Variants in LRP6 observed in about 807,000 individuals in gnomAD.
LRP6 encodes LDL receptor related protein 6.
Under a neutral mutation model 184.1 loss-of-function variants are expected in LRP6, and 43 were observed. That is an observed-to-expected ratio of 0.23 (90% CI 0.18 to 0.30). The LOEUF is 0.30. Among genes scored for constraint, LRP6 ranks in the 10% least tolerant of loss-of-function variants. LRP6 has a pLI of 1.00. For missense variants in LRP6, 1,571 were observed against 2,005.3 expected (o/e 0.78, Z 4.14); for synonymous variants, 719 against 684.9 (o/e 1.05, Z -0.78).
chr12:12,235,320 G>A (rs112372434), intron 2 of LRP6, among the ~76,000 whole-genome samples: 2 of 152,270 alleles, frequency 1.3e-5, no homozygotes, highest in African/African-American at 4.8e-5. Flanking sequence ...TGGAATTGGC[G>A]ATAACATGAA....
chr12:12,214,113 T>G (rs901510519), intron 2 of LRP6, among the ~76,000 whole-genome samples: 4 of 152,102 alleles, frequency 2.6e-5, no homozygotes, highest in Non-Finnish European at 5.9e-5. Context: ...AATACCTATT[T>G]TATAACAGTA....
At chr12:12,147,697 C>CACAG (rs2136911510) in intron 14 of LRP6, 141 bp from the exon 15 acceptor site, 1 of 711,260 alleles carries the variant, frequency 1.4e-6, no homozygotes, top group East Asian at 2.7e-5. Flanking sequence ...TTTGACCAGG[C>CACAG]ACAGTGGCTC....
At chr12:12,242,541 C>T (rs1000834507) in intron 2 of LRP6, among the ~76,000 whole-genome samples, 4 of 152,190 alleles carry the variant, frequency 2.6e-5, no homozygotes, top group Admixed American at 2.6e-4. Context: ...AACATTTCAA[C>T]ACCCTCTGAG....
rs1950047248 is a variant in LRP6, at chr12:12,149,108, T to C, written c.3040A>G (p.Ile1014Val). Residue 1014 changes from isoleucine (I) to valine (V), a missense_variant, in exon 14 of 23, where the codon ATA becomes GTA. By Grantham distance (29) the Ile-to-Val change is conservative. Coordinates refer to ENST00000261349, the MANE Select transcript of LRP6 (RefSeq NM_002336.3). ...TCAATGCTGAGGTCATAGGGTTGTA[T>C]TTCCAGGTTCTGACTCGGAACTGAG... ...VSSVPSQNLE[I>V]QPYDLSIDIY... 6.2e-7 allele frequency: 1 copy of C among 1,614,064 alleles called. No homozygotes were observed. Among genetic ancestry groups the C allele is most frequent in the Non-Finnish European group, 8.5e-7 (1 of 1,180,006 alleles).
At chr12:12,224,239 T>C (rs1489066998) in intron 2 of LRP6, among the ~76,000 whole-genome samples, 2 of 152,362 alleles carry the variant, frequency 1.3e-5, no homozygotes, top group South Asian at 4.1e-4. Context: ...TAAAGTGCTA[T>C]GGGTTTTGAC....
intron 10 of LRP6, among the ~76,000 whole-genome samples, chr12:12,161,587 A>C (rs1409429663): frequency 1.3e-5 from 2 of 152,086 alleles, no homozygotes; most frequent in Admixed American, 1.3e-4. Context: ...CTTCTTTTAT[A>C]AGTGGAATTT....
At position 12,119,527 on chromosome 12, in the gene LRP6, T is replaced by C. The variant is rs1949564216; in HGVS notation, c.*1599A>G. On this transcript the variant is annotated 3_prime_UTR_variant, in exon 23 of 23. Transcript: ENST00000261349. ...GAATCATTCCACAGGTCAGCCCTGA[T>C]AGCTCAAGATGTAGCAGCCCCAGTA... 1 of 152,180 alleles carries C rather than the reference T, an allele frequency of 6.6e-6. No individual in the cohort carries two copies. Among genetic ancestry groups the C allele is most frequent in the Non-Finnish European group, 1.5e-5 (1 of 68,030 alleles). 9.4% of individuals were successfully genotyped at this position (152,180 alleles called of 1,614,324 possible). A position where few individuals can be genotyped will look rare whatever the true frequency, so the allele number is the denominator to read the frequency against.
At chr12:12,216,094 G>A (rs1365968919) in intron 2 of LRP6, among the ~76,000 whole-genome samples, 1 of 152,110 alleles carries the variant, frequency 6.6e-6, no homozygotes, top group African/African-American at 2.4e-5. Flanking sequence ...AATCTTCAAA[G>A]CGGTTATGGT....
At position 12,121,376 on chromosome 12, in the gene LRP6, G is replaced by A. The variant is rs777987862; in HGVS notation, c.4592C>T (p.Pro1531Leu). The change falls in exon 23 of 23, where the codon CCC becomes CTC. Residue 1531 changes from proline (P) to leucine (L), a missense_variant. By Grantham distance (98) the Pro-to-Leu change is moderately conservative. Coordinates refer to ENST00000261349, the MANE Select transcript of LRP6 (RefSeq NM_002336.3). ...SYRHFAPPTT[P>L]CSTDVCDSDY... ...ACTGTCACAAACATCTGTGCTGCAG[G>A]GTGTGGTGGGGGGTGCAAAGTGCCG... 6.2e-7 allele frequency: 1 copy of A among 1,614,130 alleles called. No individual in the cohort carries two copies.
intron 1 of LRP6, among the ~76,000 whole-genome samples, chr12:12,258,889 G>A (rs1437615948): frequency 6.6e-6 from 1 of 152,144 alleles, no homozygotes. Flanking sequence ...GACCATTAGA[G>A]AAAATAGCCT....
chr12:12,254,608 A>G (rs992104919), intron 1 of LRP6, among the ~76,000 whole-genome samples: 6 of 152,230 alleles, frequency 3.9e-5, no homozygotes, highest in Non-Finnish European at 5.9e-5. Flanking sequence ...CAGAGGTTCA[A>G]TGAGTCTGCC....
intron 17 of LRP6, among the ~76,000 whole-genome samples, chr12:12,134,799 G>C (rs1949809852): frequency 2.0e-5 from 3 of 152,168 alleles, no homozygotes; most frequent in Non-Finnish European, 4.4e-5. Flanking sequence ...AGGCTGAAAA[G>C]TGTGGTAATA....
intron 12 of LRP6, chr12:12,155,808 A>T (rs963268146): frequency 1.2e-4 from 11 of 93,054 alleles, no homozygotes; most frequent in Admixed American, 2.2e-4. Flanking sequence ...CTGGACTGTT[A>T]AAAAAAAAAA....
chr12:12,245,996 C>CTT (rs71061029), intron 1 of LRP6, among the ~76,000 whole-genome samples: 14,648 of 90,112 alleles, frequency 0.16, 1,241 homozygotes, highest in Non-Finnish European at 0.19. Context: ...TTTATATAAA[C>CTT]TTTTTTTTTT....
Position 12,151,063 on chromosome 12 carries a change from C to A in LRP6, c.2792-25G>T, listed in dbSNP as rs370424962. The A allele has an allele frequency of 4.4e-6, 7 of 1,584,332 alleles. No individual in the cohort carries two copies. The East Asian group carries it at 1.3e-4, about 30-fold the overall frequency. On this transcript the variant is annotated intron_variant, in intron 12 of 22. Transcript: ENST00000261349. ...GCTTAAAAGGAAGAAAAGAGAAAAT[C>A]TGAAATCTAGTTACCCTACATCCTC...
intron 9 of LRP6, among the ~76,000 whole-genome samples, chr12:12,162,900 T>C (rs1315363129): frequency 6.6e-6 from 1 of 152,210 alleles, no homozygotes; most frequent in Non-Finnish European, 1.5e-5. Flanking sequence ...AGATACATCT[T>C]ATCAAGTATT....
intron 3 of LRP6, among the ~76,000 whole-genome samples, chr12:12,196,151 C>T (rs1393115326): frequency 6.6e-6 from 1 of 150,884 alleles, no homozygotes; most frequent in Non-Finnish European, 1.5e-5. Flanking sequence ...TCTTTTTGCT[C>T]AGGATTGCTT....
intron 2 of LRP6, among the ~76,000 whole-genome samples, chr12:12,217,813 G>A (rs954046889): frequency 6.6e-6 from 1 of 152,178 alleles, no homozygotes; most frequent in African/African-American, 2.4e-5. Context: ...AAATAGTGCT[G>A]GGATAACTGG....
intron 7 of LRP6, among the ~76,000 whole-genome samples, chr12:12,171,397 C>T (rs1176456108): frequency 6.6e-6 from 1 of 151,924 alleles, no homozygotes; most frequent in Non-Finnish European, 1.5e-5. Flanking sequence ...TGGCGGGTGC[C>T]CGTAGTCCCA....
Sources: allele counts gnomAD v4.1 joint callset (sites outside exome capture counted in the v4.1 genomes callset), GRCh38; gene constraint gnomAD v4.1.1; transcripts MANE v1.5; gene names NCBI Gene and HGNC (gene_info 2026-07-23, HGNC 2026-07-21).